The following COL8A1 variants were observed in gnomAD, a reference collection of about 807,000 sequenced individuals.
The protein encoded by COL8A1 is collagen type VIII alpha 1 chain, also known as collagen alpha-1(VIII) chain.
A neutral mutation model predicts 42.7 loss-of-function variants in COL8A1; 21 were observed. The ratio of observed to expected loss-of-function variants is 0.49; its 90% CI spans 0.35 to 0.71. The LOEUF (loss-of-function observed/expected upper bound fraction) is 0.71. COL8A1 is among the 30% of genes least tolerant of loss of function. The pLI is 0.01. For synonymous variants in COL8A1, 367 were observed against 369.1 expected (o/e 0.99, Z 0.06); for missense variants, 788 against 962.4 (o/e 0.82, Z 2.40).
At chr3:99,697,899 G>A (rs1041017642) in intron 1 of COL8A1, among the ~76,000 whole-genome samples, 1 of 152,136 alleles carries the variant, frequency 6.6e-6, no homozygotes, top group African/African-American at 2.4e-5. Flanking sequence ...CATGTGCCAT[G>A]TTGGTGTGCT....
chr3:99,669,570 A>C (rs1348792038), intron 1 of COL8A1, among the ~76,000 whole-genome samples: 1 of 152,090 alleles, frequency 6.6e-6, no homozygotes, highest in Non-Finnish European at 1.5e-5. Context: ...GCTCAGAGAT[A>C]ATAGGTCTAG....
intron 1 of COL8A1, among the ~76,000 whole-genome samples, chr3:99,723,135 A>G (rs893697915): frequency 6.6e-6 from 1 of 152,022 alleles, no homozygotes; most frequent in African/African-American, 2.4e-5. Flanking sequence ...ATTGGTGAGT[A>G]GTATTCTGCT....
intron 1 of COL8A1, among the ~76,000 whole-genome samples, chr3:99,649,165 C>G (rs1345642220): frequency 6.6e-6 from 1 of 151,970 alleles, no homozygotes; most frequent in Non-Finnish European, 1.5e-5. Context: ...TGCCTGAAAC[C>G]AGCCTAACCC....
At chr3:99,708,651 T>C (rs1939749632) in intron 1 of COL8A1, among the ~76,000 whole-genome samples, 1 of 152,152 alleles carries the variant, frequency 6.6e-6, no homozygotes, top group African/African-American at 2.4e-5. Context: ...TGTTGTATTT[T>C]ACATGTTAGT....
intron 1 of COL8A1, among the ~76,000 whole-genome samples, chr3:99,733,312 C>T (rs1940584052): frequency 6.9e-6 from 1 of 144,434 alleles, no homozygotes; most frequent in African/African-American, 2.6e-5. Context: ...CCACACCCCA[C>T]AACAGTCCCC....
At chr3:99,716,743 T>C (rs1435212191) in intron 1 of COL8A1, among the ~76,000 whole-genome samples, 9 of 152,030 alleles carry the variant, frequency 5.9e-5, no homozygotes, top group African/African-American at 1.4e-4. Context: ...AAAGTATTTT[T>C]CTAACCCTTT....
At chr3:99,753,158 T>C (rs1941186440) in intron 2 of COL8A1, among the ~76,000 whole-genome samples, 1 of 152,230 alleles carries the variant, frequency 6.6e-6, no homozygotes, top group African/African-American at 2.4e-5. Flanking sequence ...CTTATTAAAA[T>C]ACTGGTCAGC....
intron 2 of COL8A1, among the ~76,000 whole-genome samples, chr3:99,769,443 T>G (rs922235114): frequency 6.6e-6 from 1 of 152,242 alleles, no homozygotes; most frequent in Admixed American, 6.5e-5. Context: ...CATGTGCTTC[T>G]TGGAAAAGGA....
intron 2 of COL8A1, among the ~76,000 whole-genome samples, chr3:99,769,818 C>T (rs1941542678): frequency 6.6e-6 from 1 of 152,064 alleles, no homozygotes; most frequent in Admixed American, 6.5e-5. Flanking sequence ...ACTCAAGAGG[C>T]TGAGGCAGGA....
intron 1 of COL8A1, among the ~76,000 whole-genome samples, chr3:99,648,574 T>C (rs1937730811): frequency 6.6e-6 from 1 of 151,916 alleles, no homozygotes; most frequent in African/African-American, 2.4e-5. Flanking sequence ...ACAAAAAACA[T>C]CATTTCTCCC....
rs571113897 is a variant in COL8A1, at chr3:99,684,613, C to T, written c.-129+45949C>T. 5.3e-5 allele frequency among the ~76,000 whole-genome samples: 8 copies of T among 152,286 alleles called. No homozygotes were observed. In the East Asian group the frequency reaches 5.8e-4, roughly 11 times the overall value. On this transcript the variant is annotated intron_variant, in intron 1 of 3. Transcript: ENST00000652472. ...GGACAGTAGTCAGATCTCAATAACC[C>T]GTTTCCCATTGCTATTTGTGAATTG...
chr3:99,682,257 A>T (rs533106542), intron 1 of COL8A1, among the ~76,000 whole-genome samples: 107 of 152,176 alleles, frequency 7.0e-4, no homozygotes, highest in African/African-American at 2.5e-3. Context: ...TCTACTAAAA[A>T]ACAAAAAGAA....
At chr3:99,768,625 T>C (rs1287787696) in intron 2 of COL8A1, among the ~76,000 whole-genome samples, 1 of 152,182 alleles carries the variant, frequency 6.6e-6, no homozygotes, top group Non-Finnish European at 1.5e-5. Context: ...ATCTTACCAG[T>C]CAGAATTCTC....
intron 2 of COL8A1, among the ~76,000 whole-genome samples, chr3:99,756,374 CACT>C (rs1218826665): frequency 1.3e-5 from 2 of 152,022 alleles, no homozygotes; most frequent in African/African-American, 4.8e-5. Flanking sequence ...TGGAGTATTC[CACT>C]CTTAGAATTC....
intron 1 of COL8A1, among the ~76,000 whole-genome samples, chr3:99,684,326 A>C (rs1050544806): frequency 6.6e-6 from 1 of 152,182 alleles, no homozygotes; most frequent in Non-Finnish European, 1.5e-5. Context: ...TCTATTTTAA[A>C]TGTGTAAAAT....
chr3:99,791,517 G>A (rs1042380704), intron 3 of COL8A1, among the ~76,000 whole-genome samples: 13 of 152,228 alleles, frequency 8.5e-5, no homozygotes, highest in Non-Finnish European at 1.9e-4. Flanking sequence ...AATTACATAT[G>A]TCAATCAATA....
chr3:99,768,712 C>T (rs1941518155), intron 2 of COL8A1, among the ~76,000 whole-genome samples: 1 of 152,210 alleles, frequency 6.6e-6, no homozygotes, highest in Non-Finnish European at 1.5e-5. Flanking sequence ...ACACCATCCT[C>T]ACCCTTCCTA....
intron 1 of COL8A1, among the ~76,000 whole-genome samples, chr3:99,669,152 G>GTATATATATATATAT (rs1559773196): frequency 4.7e-5 from 2 of 42,498 alleles, no homozygotes; most frequent in East Asian, 1.7e-3. Flanking sequence ...TATATAGAGG[G>GTATATATATATATAT]AGAGAGAGAG....
intron 1 of COL8A1, among the ~76,000 whole-genome samples, chr3:99,684,024 G>C (rs1173639817): frequency 1.3e-5 from 2 of 152,158 alleles, no homozygotes; most frequent in South Asian, 2.1e-4. Context: ...ACACTGTTCA[G>C]AGCGGTCAAG....
Sources: allele counts gnomAD v4.1 joint callset (sites outside exome capture counted in the v4.1 genomes callset), GRCh38; gene constraint gnomAD v4.1.1; transcripts MANE v1.5; gene names NCBI Gene and HGNC (gene_info 2026-07-23, HGNC 2026-07-21).